The following RAB18 variants were observed in gnomAD, a reference collection of about 807,000 sequenced individuals.
The protein encoded by RAB18 is RAB18, member RAS oncogene family.
RAB18 carries 10 observed loss-of-function variants against 28.5 expected under a neutral mutation model. The ratio of observed to expected loss-of-function variants is 0.35; its 90% CI spans 0.22 to 0.60. The LOEUF (loss-of-function observed/expected upper bound fraction) is 0.60, where lower values mean the gene tolerates loss of function less well. Among genes scored for constraint, RAB18 ranks in the 20% least tolerant of loss-of-function variants. The pLI is 0.78. For synonymous variants in RAB18, 93 were observed against 86.9 expected (o/e 1.07, Z -0.39); for missense variants, 188 against 244.2 (o/e 0.77, Z 1.53).
intron 3 of RAB18, among the ~76,000 whole-genome samples, chr10:27,529,399 G>A (rs1377333739): frequency 6.6e-6 from 1 of 151,880 alleles, no homozygotes; most frequent in African/African-American, 2.4e-5. Context: ...TTCTTCTATA[G>A]TTTTATTTAT....
intron 2 of RAB18, among the ~76,000 whole-genome samples, chr10:27,519,041 C>T (rs1032088778): frequency 6.6e-6 from 1 of 151,806 alleles, no homozygotes; most frequent in Admixed American, 6.6e-5. Flanking sequence ...ATTGCTTTTG[C>T]ACTTTTGAAA....
chr10:27,530,759 T>C (rs1167490043), intron 3 of RAB18, among the ~76,000 whole-genome samples: 1 of 151,920 alleles, frequency 6.6e-6, no homozygotes. Context: ...ATCATTTTAC[T>C]ATGATATGCA....
intron 3 of RAB18, among the ~76,000 whole-genome samples, chr10:27,530,264 AT>A (rs1564835578): frequency 6.6e-6 from 1 of 152,068 alleles, no homozygotes; most frequent in East Asian, 1.9e-4. Context: ...TGTTATGAAT[AT>A]AGAACAGTGT....
At chr10:27,530,047 G>A (rs568166847) in intron 3 of RAB18, among the ~76,000 whole-genome samples, 9 of 152,048 alleles carry the variant, frequency 5.9e-5, no homozygotes, top group African/African-American at 1.9e-4. Context: ...TTGCAGTTCT[G>A]ATTTTTATGT....
chr10:27,531,281 G>A (rs11015850), intron 3 of RAB18, among the ~76,000 whole-genome samples: 5,565 of 152,004 alleles, frequency 0.037, 313 homozygotes, highest in African/African-American at 0.12. Flanking sequence ...ACATTGAAAC[G>A]TTACTTTCCT....
intron 1 of RAB18, among the ~76,000 whole-genome samples, chr10:27,506,366 G>T (rs752381987): frequency 6.6e-6 from 1 of 152,108 alleles, no homozygotes; most frequent in Non-Finnish European, 1.5e-5. Context: ...CTGTCACCCA[G>T]ACTGGAGTGC....
At chr10:27,506,574 G>A (rs1292516414) in intron 1 of RAB18, among the ~76,000 whole-genome samples, 1 of 151,936 alleles carries the variant, frequency 6.6e-6, no homozygotes, top group Non-Finnish European at 1.5e-5. Flanking sequence ...CTCCTGCCTT[G>A]ACCTCCCAAA....
chr10:27,534,380 AC>A (rs1011619593), intron 6 of RAB18, among the ~76,000 whole-genome samples: 15 of 152,334 alleles, frequency 9.8e-5, no homozygotes, highest in African/African-American at 3.4e-4. Flanking sequence ...CTGCATTTTA[AC>A]AAGCTCTTCA....
At chr10:27,516,217 C>T (rs550835975) in intron 2 of RAB18, among the ~76,000 whole-genome samples, 49 of 152,152 alleles carry the variant, frequency 3.2e-4, no homozygotes, top group African/African-American at 1.2e-3. Flanking sequence ...TTTGTCATTG[C>T]TCTGGATACT....
At chr10:27,520,619 C>T (rs886843090) in intron 2 of RAB18, among the ~76,000 whole-genome samples, 1 of 151,858 alleles carries the variant, frequency 6.6e-6, no homozygotes, top group African/African-American at 2.4e-5. Context: ...TATTCATTTA[C>T]AGCTATAAAT....
rs1319079760 is a variant in RAB18, at chr10:27,538,456, A to C, written c.*405A>C. ...CTCCTAGCACCACGGGGAAGAATAG[A>C]GGTATCATCAAACGTGGCAAATTTT... On this transcript the variant is annotated 3_prime_UTR_variant, in exon 7 of 7. Transcript: ENST00000356940. 4.4e-6 allele frequency: 2 copies of C among 455,240 alleles called. No individual in the cohort carries two copies. The highest frequency in any genetic ancestry group is 1.4e-4 in the East Asian group (2 of 14,424). 28.2% of individuals were successfully genotyped at this position (455,240 alleles called of 1,614,324 possible).
At chr10:27,526,565 T>C (rs921475532) in intron 2 of RAB18, among the ~76,000 whole-genome samples, 3 of 152,306 alleles carry the variant, frequency 2.0e-5, no homozygotes, top group East Asian at 3.9e-4. Flanking sequence ...CACCTTAAAT[T>C]GAATTTCGTT....
chr10:27,533,854 G>A lies in RAB18; in HGVS notation c.378+1G>A. On this transcript the variant is annotated splice_donor_variant, in intron 5 of 6. Coordinates refer to ENST00000356940, the MANE Select transcript of RAB18 (RefSeq NM_021252.5). LOFTEE classifies it high-confidence loss of function. ...GCTAGTTGGAAATAAAATCGATAAG[G>A]TAAGAAGGCAGACACTTGGCATTTT... 2.5e-6 allele frequency: 4 copies of A among 1,612,270 alleles called. No individual in the cohort carries two copies. The highest frequency in any genetic ancestry group is 3.4e-6 in the Non-Finnish European group (4 of 1,178,444).
chr10:27,531,660 A>G, intron 3 of RAB18: 1 of 731,120 alleles, frequency 1.4e-6, no homozygotes, highest in Middle Eastern at 2.3e-4. Flanking sequence ...TTTATTTAAT[A>G]AAACAGGTGG....
At position 27,538,049 on chromosome 10, in the gene RAB18, T is replaced by C. The variant is rs387906833; in HGVS notation, c.619T>C (p.Ter207GlnextTer20). Residue 207 changes from the stop codon to glutamine (Q), a stop_lost, in exon 7 of 7, where the codon TAA becomes CAA. Coordinates refer to ENST00000356940, the MANE Select transcript of RAB18 (RefSeq NM_021252.5). The stretch of plus-strand genomic sequence containing the variant: ...CTGTGGTGGTTATTGCTCTGTGTTA[T>C]AAACTCTGGGAAATTCCATCTCTTG... ...GACGGYCSVL* is the reference protein window; with the variant it reads ...GACGGYCSVLQ The C allele has an allele frequency of 1.9e-6, 3 of 1,614,164 alleles. No individual in the cohort carries two copies. The highest frequency in any genetic ancestry group is 1.1e-5 in the South Asian group (1 of 91,090).
chr10:27,530,442 T>C (rs1834764760), intron 3 of RAB18, among the ~76,000 whole-genome samples: 1 of 151,544 alleles, frequency 6.6e-6, no homozygotes, highest in South Asian at 2.1e-4. Context: ...TCTTTCTCTC[T>C]AAAACAGATA....
Position 27,540,777 on chromosome 10 carries a change from A to T in RAB18, c.*2726A>T, listed in dbSNP as rs908591290. 3.5e-5 allele frequency: 16 copies of T among 453,906 alleles called. No individual in the cohort carries two copies. The East Asian group carries it at 1.0e-3, about 30-fold the overall frequency. 28.1% of individuals were successfully genotyped at this position (453,906 alleles called of 1,614,324 possible). ...TCATGTATTTGATTGCCATCCATAA[A>T]CTCATACTTGGTGTTGACATTCTAG... On this transcript the variant is annotated 3_prime_UTR_variant, in exon 7 of 7. Coordinates refer to ENST00000356940, the MANE Select transcript of RAB18 (RefSeq NM_021252.5).
chr10:27,526,969 A>G, intron 3 of RAB18, 80 bp downstream of exon 3: 2 of 1,406,004 alleles, frequency 1.4e-6, no homozygotes, highest in Non-Finnish European at 2.0e-6. Context: ...GTAGTGTTCT[A>G]GAGGTGGTGA....
At chr10:27,526,297 A>G (rs537542562) in intron 2 of RAB18, among the ~76,000 whole-genome samples, 1 of 152,262 alleles carries the variant, frequency 6.6e-6, no homozygotes, top group African/African-American at 2.4e-5. Flanking sequence ...TAAAAATAGT[A>G]TTTTTTTAGG....
Sources: gnomAD v4.1 joint callset for allele counts (sites outside exome capture counted in the v4.1 genomes callset) on GRCh38, gnomAD v4.1.1 for gene constraint, MANE v1.5 for transcripts, NCBI Gene and HGNC (gene_info 2026-07-23, HGNC 2026-07-21) for gene names.